CACNG1: variants seen among roughly 807,000 people sequenced by gnomAD.
CACNG1 encodes the protein calcium voltage-gated channel auxiliary subunit gamma 1, also known as voltage-dependent calcium channel gamma-1 subunit.
In CACNG1, 21 loss-of-function variants were observed where a neutral mutation model predicts 22.0. The ratio of observed to expected loss-of-function variants is 0.95; its 90% CI spans 0.68 to 1.37. The LOEUF is 1.37. Among genes scored for constraint, CACNG1 ranks in the 40% most tolerant of loss-of-function variants. CACNG1 has a pLI of 0.00. For synonymous variants in CACNG1, 127 were observed against 129.2 expected (o/e 0.98, Z 0.12); for missense variants, 291 against 308.6 (o/e 0.94, Z 0.43).
chr17:67,045,269 G>A (rs1234135955), intron 1 of CACNG1, among the ~76,000 whole-genome samples: 2 of 152,236 alleles, frequency 1.3e-5, no homozygotes, highest in Non-Finnish European at 2.9e-5. Context: ...GGGGACCCAT[G>A]GGGCTGGCAG....
chr17:67,055,941 C>G lies in CACNG1; in HGVS notation c.443-104C>G. 1 of 902,816 alleles carries G rather than the reference C, an allele frequency of 1.1e-6. No individual in the cohort carries two copies. 55.9% of individuals were successfully genotyped at this position (902,816 alleles called of 1,614,324 possible). ...GAACCTGCCTTGAGGCAGCTTTTCCCCCAAGGCAAGGTCACCGCCTCCTCC... is the reference window on the plus strand; with the variant it reads ...GAACCTGCCTTGAGGCAGCTTTTCCGCCAAGGCAAGGTCACCGCCTCCTCC... On this transcript the variant is annotated intron_variant, in intron 3 of 3. Transcript: ENST00000226021. This position sits in a 1 kb window ranked among gnomAD's most constrained non-coding sequence, Gnocchi z 4.5.
At chr17:67,045,085 C>T (rs1415184618) in intron 1 of CACNG1, among the ~76,000 whole-genome samples, 196 bp downstream of exon 1, 1 of 152,212 alleles carries the variant, frequency 6.6e-6, no homozygotes, top group African/African-American at 2.4e-5. Context: ...AAGACGAGGG[C>T]GTTTGTCCCA....
intron 1 of CACNG1, among the ~76,000 whole-genome samples, chr17:67,050,593 A>T (rs1248684053): frequency 1.3e-5 from 2 of 152,232 alleles, no homozygotes; most frequent in Non-Finnish European, 2.9e-5. Flanking sequence ...CACTTGGCAC[A>T]CTGATACATT....
chr17:67,048,360 T>A (rs1161133266), intron 1 of CACNG1, among the ~76,000 whole-genome samples: 1 of 149,148 alleles, frequency 6.7e-6, no homozygotes, highest in Admixed American at 6.7e-5. Flanking sequence ...CCAGGAGTGG[T>A]GGCATGTGCC....
At position 67,055,623 on chromosome 17, in the gene CACNG1, G is replaced by C. The variant is rs1263061987; in HGVS notation, c.442+383G>C. Among the ~76,000 whole-genome samples the C allele has an allele frequency of 6.6e-6, 1 of 152,130 alleles. No homozygotes were observed. Among genetic ancestry groups the C allele is most frequent in the East Asian group, 1.9e-4 (1 of 5,190 alleles). ...GCTCACTGCAGCCTCGAACTCCTGGGTTCAAGGGTTCCTCCCGCCCCAGCC... is the reference window on the plus strand; with the variant it reads ...GCTCACTGCAGCCTCGAACTCCTGGCTTCAAGGGTTCCTCCCGCCCCAGCC... On this transcript the variant is annotated intron_variant, in intron 3 of 3. Coordinates refer to ENST00000226021, the MANE Select transcript of CACNG1 (RefSeq NM_000727.4). The surrounding 1 kb of genome is among the most constrained non-coding windows in gnomAD (Gnocchi z 4.5).
chr17:67,055,519 CCTTT>C lies in CACNG1; in HGVS notation c.442+288_442+291del, dbSNP rs961084508. 1.3e-5 allele frequency among the ~76,000 whole-genome samples: 2 copies of C among 152,088 alleles called. No homozygotes were observed. The highest frequency in any genetic ancestry group is 4.8e-5 in the African/African-American group (2 of 41,390). ...CAAAAGAAGGAAAGAAACGTGGTCA[CCTTT>C]CTTTCTTTTTCTTGGGGGATGAGGA... On this transcript the variant is annotated intron_variant, in intron 3 of 3. Coordinates refer to ENST00000226021, the MANE Select transcript of CACNG1 (RefSeq NM_000727.4). This position sits in a 1 kb window ranked among gnomAD's most constrained non-coding sequence, Gnocchi z 4.5.
In CACNG1 at chr17:67,054,729, C is replaced by G. The variant is rs1383425315; in HGVS notation, c.305-374C>G. The stretch of plus-strand genomic sequence containing the variant: ...ACACACAAAATGACACACAGTGACA[C>G]AGACACACACTGATACACATGCATG... On this transcript the variant is annotated intron_variant, in intron 2 of 3. Coordinates refer to ENST00000226021, the MANE Select transcript of CACNG1 (RefSeq NM_000727.4). The surrounding 1 kb of genome is among the most constrained non-coding windows in gnomAD (Gnocchi z 4.6). Among the ~76,000 whole-genome samples the G allele has an allele frequency of 7.0e-6, 1 of 142,016 alleles. No homozygotes were observed. 93.2% of individuals were successfully genotyped at this position (142,016 alleles called of 152,430 possible).
rs773792334 is a variant in CACNG1, at chr17:67,054,900, GACAC to G, written c.305-197_305-194del. 1.4e-5 allele frequency among the ~76,000 whole-genome samples: 2 copies of G among 146,560 alleles called. No individual in the cohort carries two copies. The highest frequency in any genetic ancestry group is 3.0e-5 in the Non-Finnish European group (2 of 67,538). Reference sequence around the variant, plus strand: ...CTGACACATATGCATGACACACAATGACACACACAGACACTGACACACACACAGA... The same window carrying G: ...CTGACACATATGCATGACACACAATGACACAGACACTGACACACACACAGA... On this transcript the variant is annotated intron_variant, in intron 2 of 3. Coordinates refer to ENST00000226021, the MANE Select transcript of CACNG1 (RefSeq NM_000727.4). The surrounding 1 kb of genome is among the most constrained non-coding windows in gnomAD (Gnocchi z 4.6).
chr17:67,055,059 C>A lies in CACNG1; in HGVS notation c.305-44C>A. 6.3e-7 allele frequency: 1 copy of A among 1,588,580 alleles called. No individual in the cohort carries two copies. The stretch of plus-strand genomic sequence containing the variant: ...GGTCCCTAACGAGCCATGACAAGAG[C>A]TCCCATGCTGAGGCCGCATGCTGGG... On this transcript the variant is annotated intron_variant, in intron 2 of 3. Transcript: ENST00000226021. This position sits in a 1 kb window ranked among gnomAD's most constrained non-coding sequence, Gnocchi z 4.5.
Position 67,055,367 on chromosome 17 carries a change from G to A in CACNG1, c.442+127G>A, listed in dbSNP as rs1045321561. 7 of 1,131,046 alleles carry A rather than the reference G, an allele frequency of 6.2e-6. No homozygotes were observed. The highest frequency in any genetic ancestry group is 5.1e-5 in the East Asian group (2 of 38,924). 70.1% of individuals were successfully genotyped at this position (1,131,046 alleles called of 1,614,324 possible). ...TTTCCCAGGCTCCATCCCCATCCAG[G>A]GGCAAACCTGGCCAGGCCATCAGCG... On this transcript the variant is annotated intron_variant, in intron 3 of 3. Transcript: ENST00000226021. The surrounding 1 kb of genome is among the most constrained non-coding windows in gnomAD (Gnocchi z 4.5).
At chr17:67,045,009 G>A in intron 1 of CACNG1, 120 bp downstream of exon 1, 1 of 748,702 alleles carries the variant, frequency 1.3e-6, no homozygotes. Context: ...CAGCCGCCCA[G>A]CCTTTTCTGC....
At chr17:67,049,690 C>T (rs2035717489) in intron 1 of CACNG1, among the ~76,000 whole-genome samples, 2 of 152,174 alleles carry the variant, frequency 1.3e-5, no homozygotes, top group African/African-American at 4.8e-5. Context: ...AATCCAGAGC[C>T]TCCTTTCCCT....
At chr17:67,048,620 A>T (rs374918892) in intron 1 of CACNG1, among the ~76,000 whole-genome samples, 6 of 152,230 alleles carry the variant, frequency 3.9e-5, no homozygotes, top group African/African-American at 1.4e-4. Flanking sequence ...TTACTAGACA[A>T]AAACTTTAAA....
Position 67,044,841 on chromosome 17 carries a change from A to G in CACNG1, c.181A>G (p.Ile61Val). ...FGLWRICTKR[I>V]PMDDSKTCGP... ...CCTCTGGCGGATTTGTACCAAGCGCATCCCCATGGACGACAGCAAGACCTG... is the reference window on the plus strand; with the variant it reads ...CCTCTGGCGGATTTGTACCAAGCGCGTCCCCATGGACGACAGCAAGACCTG... Residue 61 changes from isoleucine (I) to valine (V), a missense_variant, in exon 1 of 4, where the codon ATC (isoleucine) becomes GTC (valine). Physicochemically the swap from Ile to Val is conservative, Grantham distance 29 (BLOSUM62 3). Transcript: ENST00000226021. The surrounding 1 kb of genome is among the most constrained non-coding windows in gnomAD (Gnocchi z 6.9). The G allele has an allele frequency of 1.2e-6, 2 of 1,613,456 alleles. No homozygotes were observed. The highest frequency in any genetic ancestry group is 1.7e-6 in the Non-Finnish European group (2 of 1,180,028).
intron 1 of CACNG1, among the ~76,000 whole-genome samples, chr17:67,046,593 C>T (rs139573416): frequency 7.3e-4 from 111 of 152,284 alleles, no homozygotes; most frequent in Non-Finnish European, 1.2e-3. Context: ...GCCCGGATGC[C>T]CATGCCCCTT....
At position 67,056,391 on chromosome 17, in the gene CACNG1, T is replaced by C; in HGVS notation, c.*120T>C. On this transcript the variant is annotated 3_prime_UTR_variant, in exon 4 of 4. Transcript: ENST00000226021. This position sits in a 1 kb window ranked among gnomAD's most constrained non-coding sequence, Gnocchi z 4.3. ...CCCACCCTGCTCCCATCTGCCCCCC[T>C]GCAACAGTCGCAGGCTGCTTCCTCT... The C allele has an allele frequency of 1.3e-6, 1 of 789,982 alleles. No homozygotes were observed. Among genetic ancestry groups the C allele is most frequent in the Admixed American group, 2.5e-5 (1 of 40,106 alleles). 48.9% of individuals were successfully genotyped at this position (789,982 alleles called of 1,614,324 possible).
Position 67,056,491 on chromosome 17 carries a change from G to C in CACNG1, c.*220G>C. On this transcript the variant is annotated 3_prime_UTR_variant, in exon 4 of 4. Coordinates refer to ENST00000226021, the MANE Select transcript of CACNG1 (RefSeq NM_000727.4). This position sits in a 1 kb window ranked among gnomAD's most constrained non-coding sequence, Gnocchi z 4.3. Reference sequence around the variant, plus strand: ...CGTGAGTCCTAACCTGGCCACAGTTGGGGGAGGCAGAGCCAGCAGGTGGAC... The same window carrying C: ...CGTGAGTCCTAACCTGGCCACAGTTCGGGGAGGCAGAGCCAGCAGGTGGAC... 8.7e-6 allele frequency: 5 copies of C among 576,208 alleles called. No homozygotes were observed. In the South Asian group the frequency reaches 1.0e-4, roughly 12 times the overall value. 35.7% of individuals were successfully genotyped at this position (576,208 alleles called of 1,614,324 possible).
chr17:67,050,867 C>T (rs192251041), intron 1 of CACNG1, among the ~76,000 whole-genome samples: 133 of 152,264 alleles, frequency 8.7e-4, no homozygotes, highest in African/African-American at 2.9e-3. Context: ...ATTTTTAAAC[C>T]GCTGAGTCTT....
Position 67,044,978 on chromosome 17 carries a change from T to A in CACNG1, c.229+89T>A. 9.6e-7 allele frequency: 1 copy of A among 1,044,152 alleles called. No homozygotes were observed. 64.7% of individuals were successfully genotyped at this position (1,044,152 alleles called of 1,614,324 possible). A position where few individuals can be genotyped will look rare whatever the true frequency, so the allele number is the denominator to read the frequency against. On this transcript the variant is annotated intron_variant, in intron 1 of 3. Coordinates refer to ENST00000226021, the MANE Select transcript of CACNG1 (RefSeq NM_000727.4). This position sits in a 1 kb window ranked among gnomAD's most constrained non-coding sequence, Gnocchi z 6.9. ...AGTTGCCCTTGCGAAGGAAGGCAGGTTTCTCTGCCTAGAAATAGGGCAGCC... is the reference window on the plus strand; with the variant it reads ...AGTTGCCCTTGCGAAGGAAGGCAGGATTCTCTGCCTAGAAATAGGGCAGCC...
Sources: allele counts gnomAD v4.1 joint callset (sites outside exome capture counted in the v4.1 genomes callset), GRCh38; gene constraint gnomAD v4.1.1; non-coding constraint Gnocchi (gnomAD v3.1); transcripts MANE v1.5; gene names NCBI Gene and HGNC (gene_info 2026-07-23, HGNC 2026-07-21).